ZNF469: variants seen among roughly 807,000 people sequenced by gnomAD.
The protein encoded by ZNF469 is zinc finger protein 469.
In ZNF469, 1 loss-of-function variant was observed where a neutral mutation model predicts 1.0. The observed-to-expected ratio is 1.00, with a 90% CI of 0.35 to 4.73. The LOEUF is 4.73. Ranked by LOEUF, ZNF469 falls within the 30% of genes most tolerant of loss-of-function variation. ZNF469 has a pLI of 0.16. For synonymous variants in ZNF469, 2,703 were observed against 2,363.4 expected (o/e 1.14, Z -4.17); for missense variants, 6,100 against 5,356.3 (o/e 1.14, Z -4.33).
chr16:88,208,724 G>A, the ZNF469 span, among the ~76,000 whole-genome samples: 2 of 150,146 alleles, frequency 1.3e-5, no homozygotes, highest in African/African-American at 4.9e-5. Flanking sequence ...GACAAGAAAA[G>A]ACACACACAT....
At chr16:88,265,161 C>T in the ZNF469 span, among the ~76,000 whole-genome samples, 1 of 152,186 alleles carries the variant, frequency 6.6e-6, no homozygotes, top group East Asian at 1.9e-4. Flanking sequence ...TGGGGAGTCC[C>T]GCTCTGCCCT....
the ZNF469 span, among the ~76,000 whole-genome samples, chr16:88,221,907 C>T: frequency 6.6e-6 from 1 of 152,210 alleles, no homozygotes; most frequent in African/African-American, 2.4e-5. Flanking sequence ...ATTGAATTCA[C>T]AGCCCTCCCT....
At chr16:88,224,412 TG>T in the ZNF469 span, among the ~76,000 whole-genome samples, 1 of 152,246 alleles carries the variant, frequency 6.6e-6, no homozygotes, top group Non-Finnish European at 1.5e-5. Context: ...GGTGTGAATC[TG>T]GGTCTTGCCT....
chr16:88,205,962 G>A, the ZNF469 span, among the ~76,000 whole-genome samples: 4 of 152,226 alleles, frequency 2.6e-5, no homozygotes, highest in East Asian at 1.9e-4. The surrounding 1 kb of genome is among the most constrained non-coding windows in gnomAD (Gnocchi z 4.2). Context: ...AGGAAGGGGG[G>A]GGCCCAGCCC....
chr16:88,246,416 G>A, the ZNF469 span, among the ~76,000 whole-genome samples: 1 of 152,220 alleles, frequency 6.6e-6, no homozygotes, highest in Non-Finnish European at 1.5e-5. Flanking sequence ...CCATCTCAGA[G>A]CAAGCCAAGT....
the ZNF469 span, among the ~76,000 whole-genome samples, chr16:88,153,871 G>C: frequency 2.6e-5 from 4 of 152,312 alleles, no homozygotes; most frequent in African/African-American, 9.6e-5. Context: ...GAAATCCCTG[G>C]TGTCTCCTCC....
In ZNF469 at chr16:88,428,589, C is replaced by G. The variant is rs1905876437; in HGVS notation, c.1119C>G (p.His373Gln). The G allele has an allele frequency of 6.5e-7, 1 of 1,550,244 alleles. No homozygotes were observed. Residue 373 changes from histidine (H) to glutamine (Q), a missense_variant, in exon 3 of 3, where the codon CAC (histidine) becomes CAG (glutamine). Coordinates refer to ENST00000565624, the MANE Select transcript of ZNF469 (RefSeq NM_001367624.2). ...SAPRPFSDSL[H>Q]KSLTKILPER... Reference sequence around the variant, plus strand: ...CGAGACCCTTCTCTGACAGTTTACACAAGAGCCTGACCAAAATCCTTCCCG... The same window carrying G: ...CGAGACCCTTCTCTGACAGTTTACAGAAGAGCCTGACCAAAATCCTTCCCG...
chr16:88,425,081 C>A (rs1905642037), intron 2 of ZNF469, among the ~76,000 whole-genome samples: 1 of 152,212 alleles, frequency 6.6e-6, no homozygotes, highest in South Asian at 2.1e-4. Flanking sequence ...GGCGTGTCAC[C>A]TGATGTTCCT....
chr16:88,412,791 T>C (rs1192164768), intron 1 of ZNF469, among the ~76,000 whole-genome samples: 2 of 152,214 alleles, frequency 1.3e-5, no homozygotes, highest in Admixed American at 6.5e-5. Flanking sequence ...TGCCGACGGC[T>C]TCGGCCCACA....
the ZNF469 span, among the ~76,000 whole-genome samples, chr16:88,151,001 C>T: frequency 3.3e-5 from 5 of 152,264 alleles, no homozygotes; most frequent in African/African-American, 9.6e-5. This position sits in a 1 kb window ranked among gnomAD's most constrained non-coding sequence, Gnocchi z 5.4. Flanking sequence ...GAAGAAAGTG[C>T]TTATGTATAA....
intron 1 of ZNF469, among the ~76,000 whole-genome samples, chr16:88,388,248 G>T (rs377493030): frequency 6.6e-6 from 1 of 152,250 alleles, no homozygotes; most frequent in Admixed American, 6.5e-5. Context: ...CTCCTGGCCG[G>T]TGGGCCAGAG....
the ZNF469 span, among the ~76,000 whole-genome samples, chr16:88,256,900 T>TTCTCTCTCTC: frequency 2.2e-4 from 4 of 18,156 alleles, no homozygotes; most frequent in African/African-American, 7.3e-4. Flanking sequence ...CTTTCCTTCT[T>TTCTCTCTCTC]TCTTTCTTTC....
chr16:88,197,857 G>C, the ZNF469 span, among the ~76,000 whole-genome samples: 37,949 of 152,206 alleles, frequency 0.25, 5,167 homozygotes, highest in Non-Finnish European at 0.31. Flanking sequence ...TCACAGCATG[G>C]CAACCAGCTC....
chr16:88,130,345 C>T, the ZNF469 span, among the ~76,000 whole-genome samples: 3 of 152,046 alleles, frequency 2.0e-5, no homozygotes, highest in Non-Finnish European at 4.4e-5. Flanking sequence ...GTGATATCGG[C>T]GTCCCTAGAA....
upstream of ZNF469, among the ~76,000 whole-genome samples, chr16:88,382,148 C>G (rs1223136776): frequency 6.6e-6 from 1 of 152,232 alleles, no homozygotes; most frequent in Non-Finnish European, 1.5e-5. Flanking sequence ...AGATGCTGCC[C>G]GTAACGCTGC....
At chr16:88,258,467 G>A in the ZNF469 span, among the ~76,000 whole-genome samples, 1 of 142,656 alleles carries the variant, frequency 7.0e-6, no homozygotes, top group South Asian at 2.2e-4. Flanking sequence ...CTCTGCCAGG[G>A]ATAGGGGCCC....
chr16:88,345,841 G>A, the ZNF469 span, among the ~76,000 whole-genome samples: 1 of 152,164 alleles, frequency 6.6e-6, no homozygotes, highest in Non-Finnish European at 1.5e-5. Flanking sequence ...AGGCCCCACC[G>A]AGGCTGCCAG....
chr16:88,213,129 C>T, the ZNF469 span, among the ~76,000 whole-genome samples: 1 of 150,806 alleles, frequency 6.6e-6, no homozygotes, highest in Non-Finnish European at 1.5e-5. Context: ...GATGGAGTCT[C>T]GCTCTGTGGC....
At chr16:88,305,302 C>T in the ZNF469 span, among the ~76,000 whole-genome samples, 1 of 111,036 alleles carries the variant, frequency 9.0e-6, no homozygotes, top group South Asian at 3.5e-4. Flanking sequence ...ACACGCACAC[C>T]CTCACATGCA....
Sources: allele counts gnomAD v4.1 joint callset (sites outside exome capture counted in the v4.1 genomes callset), GRCh38; gene constraint gnomAD v4.1.1; non-coding constraint Gnocchi (gnomAD v3.1); transcripts MANE v1.5; gene names NCBI Gene and HGNC (gene_info 2026-07-23, HGNC 2026-07-21).